CNST: variants seen among roughly 807,000 people sequenced by gnomAD.
The protein encoded by CNST is consortin.
A neutral mutation model predicts 72.4 loss-of-function variants in CNST; 39 were observed. The observed-to-expected ratio is 0.54, with a 90% CI of 0.42 to 0.70. The LOEUF is 0.70. Among genes scored for constraint, CNST ranks in the 30% least tolerant of loss-of-function variants. The pLI is 0.00. For synonymous variants in CNST, 332 were observed against 320.1 expected (o/e 1.04, Z -0.40); for missense variants, 871 against 868.5 (o/e 1.00, Z -0.04).
chr1:246,595,574 C>G (rs923629089), intron 2 of CNST, among the ~76,000 whole-genome samples: 1 of 152,114 alleles, frequency 6.6e-6, no homozygotes, highest in Admixed American at 6.5e-5. Flanking sequence ...AAATTCTTAG[C>G]TCCTAAGTAA....
intron 10 of CNST, 151 bp from the exon 11 acceptor site, chr1:246,665,549 G>A: frequency 1.5e-6 from 1 of 647,182 alleles, no homozygotes; most frequent in Non-Finnish European, 2.7e-6. Flanking sequence ...TCTTTGTAGA[G>A]TCATTAGCAG....
At position 246,621,598 on chromosome 1, in the gene CNST, G is replaced by A; in HGVS notation, c.549G>A (p.Gln183=). 6.2e-7 allele frequency: 1 copy of A among 1,614,140 alleles called. No individual in the cohort carries two copies. The highest frequency in any genetic ancestry group is 1.1e-5 in the South Asian group (1 of 91,078). The change falls in exon 3 of 11, where the codon CAG becomes CAA. Residue 183 remains glutamine, a synonymous_variant. Transcript: ENST00000366513. ...CACTTATACGAGGTGAAGTTGAGCAGTTGGATTCAAGAGCACTTCCCCTTT... is the reference window on the plus strand; with the variant it reads ...CACTTATACGAGGTGAAGTTGAGCAATTGGATTCAAGAGCACTTCCCCTTT... The part of the protein sequence containing the change: ...LFSLIRGEVE[Q]LDSRALPLCL...
At chr1:246,600,564 G>C (rs1372335942) in intron 2 of CNST, among the ~76,000 whole-genome samples, 1 of 152,156 alleles carries the variant, frequency 6.6e-6, no homozygotes, top group African/African-American at 2.4e-5. Flanking sequence ...AACAGGACTG[G>C]ATCATTAATT....
At chr1:246,657,770 A>T (rs373396856) in intron 9 of CNST, among the ~76,000 whole-genome samples, 1 of 152,202 alleles carries the variant, frequency 6.6e-6, no homozygotes, top group Non-Finnish European at 1.5e-5. Context: ...CTCTAGGTTC[A>T]GTTGGCTCAT....
intron 9 of CNST, among the ~76,000 whole-genome samples, chr1:246,653,027 T>A (rs1404339127): frequency 1.3e-5 from 2 of 151,944 alleles, no homozygotes; most frequent in Non-Finnish European, 2.9e-5. Flanking sequence ...AAGAAAGCTT[T>A]TAATCTAGGA....
intron 9 of CNST, among the ~76,000 whole-genome samples, chr1:246,649,704 C>T (rs1666343443): frequency 6.6e-6 from 1 of 151,974 alleles, no homozygotes; most frequent in Non-Finnish European, 1.5e-5. Context: ...CACTGATAAT[C>T]ATATGGTGTG....
intron 1 of CNST, among the ~76,000 whole-genome samples, chr1:246,580,485 G>A (rs992237533): frequency 1.3e-4 from 20 of 151,880 alleles, no homozygotes; most frequent in Admixed American, 9.2e-4. Context: ...TTATGAAATT[G>A]CACTTCTCTG....
At chr1:246,658,198 T>C (rs1278036684) in intron 9 of CNST, among the ~76,000 whole-genome samples, 1 of 152,232 alleles carries the variant, frequency 6.6e-6, no homozygotes, top group African/African-American at 2.4e-5. Flanking sequence ...GATACATCTT[T>C]AGTAGTAATG....
chr1:246,598,713 G>A lies in CNST; in HGVS notation c.379+6772G>A, dbSNP rs541153678. On this transcript the variant is annotated intron_variant, in intron 2 of 10. Coordinates refer to ENST00000366513, the MANE Select transcript of CNST (RefSeq NM_152609.3). ...CAGAGTTGAGATCCCTGAGATTGGT[G>A]GGGACTGTGGTGAACAGGAGTCTAC... Among the ~76,000 whole-genome samples, 3 of 152,232 alleles carry A rather than the reference G, an allele frequency of 2.0e-5. No homozygotes were observed. The South Asian group carries it at 6.2e-4, about 32-fold the overall frequency.
At chr1:246,582,938 G>A (rs1389474656) in intron 1 of CNST, among the ~76,000 whole-genome samples, 2 of 152,162 alleles carry the variant, frequency 1.3e-5, no homozygotes, top group East Asian at 1.9e-4. Flanking sequence ...GGTGCCTGGG[G>A]CCAGCACTCA....
Position 246,666,870 on chromosome 1 carries a change from C to T in CNST, c.*965C>T, listed in dbSNP as rs1309751576. The T allele has an allele frequency of 6.6e-6, 1 of 152,102 alleles. No individual in the cohort carries two copies. The highest frequency in any genetic ancestry group is 2.4e-5 in the African/African-American group (1 of 41,416). The allele number at this position is 152,102 out of a possible 1,614,324, so 9.4% of individuals were successfully genotyped here. ...AATCCTGGTCTTATATAGAATAAAC[C>T]AGTACTTTGCTGAGTGAAATCACCA... On this transcript the variant is annotated 3_prime_UTR_variant, in exon 11 of 11. Transcript: ENST00000366513.
chr1:246,632,500 T>C (rs1231759985), intron 4 of CNST: 1 of 186,688 alleles, frequency 5.4e-6, no homozygotes, highest in African/African-American at 2.4e-5. Flanking sequence ...AGTGGAAGAG[T>C]GTATTTTGAC....
rs1667412350 is a variant in CNST at position 246,666,896 on chromosome 1, T to C, written c.*991T>C. On this transcript the variant is annotated 3_prime_UTR_variant, in exon 11 of 11. Coordinates refer to ENST00000366513, the MANE Select transcript of CNST (RefSeq NM_152609.3). ...AGTACTTTGCTGAGTGAAATCACCATATAGAATTCAGTATTAACAGATCAT... is the reference window on the plus strand; with the variant it reads ...AGTACTTTGCTGAGTGAAATCACCACATAGAATTCAGTATTAACAGATCAT... 6.6e-6 allele frequency: 1 copy of C among 152,224 alleles called. No individual in the cohort carries two copies. Among genetic ancestry groups the C allele is most frequent in the Non-Finnish European group, 1.5e-5 (1 of 68,040 alleles). 9.4% of individuals were successfully genotyped at this position (152,224 alleles called of 1,614,324 possible).
chr1:246,599,034 A>G (rs1410827782), intron 2 of CNST, among the ~76,000 whole-genome samples: 1 of 152,158 alleles, frequency 6.6e-6, no homozygotes, highest in Non-Finnish European at 1.5e-5. Context: ...TTCCTTCTTT[A>G]AGGGATTGAT....
At position 246,597,318 on chromosome 1, in the gene CNST, CAATTT is replaced by C. The variant is rs1661955687; in HGVS notation, c.379+5382_379+5386del. On this transcript the variant is annotated intron_variant, in intron 2 of 10. Coordinates refer to ENST00000366513, the MANE Select transcript of CNST (RefSeq NM_152609.3). ...GTTTTAGTATATTCACAAAGTTGTA[CAATTT>C]AATTCCAGAACATTTTATCCTCCAG... 1.3e-5 allele frequency among the ~76,000 whole-genome samples: 2 copies of C among 152,148 alleles called. 1 individual carries two copies. Among genetic ancestry groups the C allele is most frequent in the African/African-American group, 4.8e-5 (2 of 41,420 alleles).
chr1:246,604,820 C>T (rs1377838152), intron 2 of CNST, among the ~76,000 whole-genome samples: 1 of 151,824 alleles, frequency 6.6e-6, no homozygotes, highest in Non-Finnish European at 1.5e-5. Context: ...AGGCATGCAC[C>T]ACCATGCCTG....
At position 246,591,527 on chromosome 1, in the gene CNST, A is replaced by C; in HGVS notation, c.-36A>C. On this transcript the variant is annotated 5_prime_UTR_variant, in exon 2 of 11. An upstream open reading frame in the 5' UTR loses its in-frame stop. Transcript: ENST00000366513. ...GTCATTGTAGACATGGAAGGTCTTT[A>C]ATGTAACTTTAAATGGTTCACCAAA... 1 of 1,610,602 alleles carries C rather than the reference A, an allele frequency of 6.2e-7. No individual in the cohort carries two copies.
At chr1:246,602,026 A>G (rs1662319704) in intron 2 of CNST, among the ~76,000 whole-genome samples, 1 of 152,144 alleles carries the variant, frequency 6.6e-6, no homozygotes, top group Non-Finnish European at 1.5e-5. Context: ...GGAGTAACAC[A>G]CCACCTACTT....
chr1:246,641,184 A>T (rs1264427693), intron 6 of CNST, among the ~76,000 whole-genome samples: 1 of 152,228 alleles, frequency 6.6e-6, no homozygotes, highest in Non-Finnish European at 1.5e-5. Flanking sequence ...TTGGATGACT[A>T]TGCAGCAATT....
Sources: gnomAD v4.1 joint callset for allele counts (sites outside exome capture counted in the v4.1 genomes callset) on GRCh38, gnomAD v4.1.1 for gene constraint, MANE v1.5 for transcripts, NCBI Gene and HGNC (gene_info 2026-07-23, HGNC 2026-07-21) for gene names.